CGNL1: variants seen among roughly 807,000 people sequenced by gnomAD.
The protein encoded by CGNL1 is cingulin-like protein 1.
A neutral mutation model predicts 141.2 loss-of-function variants in CGNL1; 132 were observed. The observed-to-expected ratio is 0.93, with a 90% CI of 0.81 to 1.08. The LOEUF (loss-of-function observed/expected upper bound fraction) is 1.08, where lower values mean the gene tolerates loss of function less well. Ranked by LOEUF, CGNL1 falls within the 50% of genes least tolerant of loss-of-function variation. The pLI is 0.00. For missense variants in CGNL1, 1,870 were observed against 1,588.6 expected, an observed-to-expected ratio of 1.18 and a Z score of -3.01; for synonymous variants, 690 against 622.1, an observed-to-expected ratio of 1.11 and a Z score of -1.63.
chr15:57,507,368 C>G (rs1197923232), intron 8 of CGNL1, among the ~76,000 whole-genome samples: 4 of 152,066 alleles, frequency 2.6e-5, no homozygotes, highest in South Asian at 2.1e-4. Flanking sequence ...TAACTTTTGT[C>G]TTGGACCTAT....
chr15:57,495,128 T>G (rs996427860), intron 8 of CGNL1, among the ~76,000 whole-genome samples: 1 of 152,222 alleles, frequency 6.6e-6, no homozygotes, highest in South Asian at 2.1e-4. Flanking sequence ...TGTGGGTCCT[T>G]AAACCATGAT....
chr15:57,546,847 C>A (rs1352062702), intron 18 of CGNL1, among the ~76,000 whole-genome samples: 2 of 152,078 alleles, frequency 1.3e-5, no homozygotes, highest in Admixed American at 6.6e-5. Context: ...TGACGTGGGG[C>A]TCTTTGCTGG....
chr15:57,516,028 G>A (rs1280356), intron 8 of CGNL1, among the ~76,000 whole-genome samples: 1,760 of 151,852 alleles, frequency 0.012, 15 homozygotes, highest in Non-Finnish European at 0.014. Context: ...GCGTGGTGGC[G>A]GGCGCCTGTA....
chr15:57,451,706 C>G lies in CGNL1; in HGVS notation c.1905+105C>G, dbSNP rs190472904. On this transcript the variant is annotated intron_variant, in intron 5 of 18. Coordinates refer to ENST00000281282, the MANE Select transcript of CGNL1 (RefSeq NM_032866.5). Reference sequence around the variant, plus strand: ...CAGAGTGAAAGCCAATTTTTTTTCCCCCAAAAGAAACATTCCTCTAATCAC... The same window carrying G: ...CAGAGTGAAAGCCAATTTTTTTTCCGCCAAAAGAAACATTCCTCTAATCAC... 2.6e-3 allele frequency: 1,969 copies of G among 755,574 alleles called. 15 individuals carry two copies. The highest frequency in any genetic ancestry group is 2.9e-3 in the South Asian group (149 of 51,992). 46.8% of individuals were successfully genotyped at this position (755,574 alleles called of 1,614,324 possible).
intron 1 of CGNL1, among the ~76,000 whole-genome samples, chr15:57,415,694 C>T (rs1352245047): frequency 6.6e-6 from 1 of 152,202 alleles, no homozygotes; most frequent in African/African-American, 2.4e-5. Context: ...TTCACATGTC[C>T]TCCATCACTC....
At chr15:57,453,874 G>A in intron 7 of CGNL1, 56 bp downstream of exon 7, 2 of 1,601,510 alleles carry the variant, frequency 1.2e-6, no homozygotes, top group South Asian at 1.1e-5. Context: ...CTGGAAAGAT[G>A]GAGTGGCTAG....
chr15:57,512,470 G>A (rs1037509925), intron 8 of CGNL1, among the ~76,000 whole-genome samples: 2 of 152,068 alleles, frequency 1.3e-5, no homozygotes, highest in African/African-American at 4.8e-5. Flanking sequence ...TAAGCATAAT[G>A]TGAAGACATA....
chr15:57,431,504 C>A (rs1222440658), intron 1 of CGNL1, among the ~76,000 whole-genome samples: 2 of 152,122 alleles, frequency 1.3e-5, no homozygotes, highest in African/African-American at 4.8e-5. Context: ...CTTTCCACAC[C>A]CTGATCTTTC....
rs75923537 is a variant in CGNL1 at position 57,464,504 on chromosome 15, C to T, written c.2403+2612C>T. On this transcript the variant is annotated intron_variant, in intron 8 of 18. Coordinates refer to ENST00000281282, the MANE Select transcript of CGNL1 (RefSeq NM_032866.5). Reference sequence around the variant, plus strand: ...ATAGTCACATCCGTGCGGTGTCTGGCAAGTGAAAGTTAGTTTAGGACAAAT... The same window carrying T: ...ATAGTCACATCCGTGCGGTGTCTGGTAAGTGAAAGTTAGTTTAGGACAAAT... Among the ~76,000 whole-genome samples the T allele has an allele frequency of 5.0e-3, 760 of 152,246 alleles. 30 individuals are homozygous for T. In the East Asian group the frequency reaches 0.092, roughly 19 times the overall value.
rs1175714723 is a variant in CGNL1, at chr15:57,528,698, G to A, written c.3084G>A (p.Gln1028=). The change falls in exon 13 of 19, where the codon CAG becomes CAA. Residue 1028 remains glutamine, a synonymous_variant. Coordinates refer to ENST00000281282, the MANE Select transcript of CGNL1 (RefSeq NM_032866.5). ...AGTTACGGGACTACCAGAGAGCTCA[G>A]GATGAAGCACTCACAAAAAGGCAGC... ...EEELRDYQRA[Q]DEALTKRQLL... The A allele has an allele frequency of 2.1e-5, 34 of 1,614,018 alleles. No individual in the cohort carries two copies. The highest frequency in any genetic ancestry group is 5.3e-5 in the African/African-American group (4 of 74,916).
intron 7 of CGNL1, among the ~76,000 whole-genome samples, chr15:57,457,743 G>T (rs1168064634): frequency 6.6e-6 from 1 of 152,160 alleles, no homozygotes; most frequent in African/African-American, 2.4e-5. Context: ...CACAAGAACA[G>T]TATGGGGGAA....
chr15:57,524,460 C>T (rs2031477974), intron 11 of CGNL1, 121 bp from the exon 12 acceptor site: 2 of 936,440 alleles, frequency 2.1e-6, no homozygotes, highest in Non-Finnish European at 3.2e-6. Context: ...GGTGCTGGGC[C>T]ATCTTTGAGG....
chr15:57,465,240 A>T (rs1236420109), intron 8 of CGNL1, among the ~76,000 whole-genome samples: 1 of 152,178 alleles, frequency 6.6e-6, no homozygotes, highest in Non-Finnish European at 1.5e-5. Flanking sequence ...GAACATTAAG[A>T]TTATTAAATA....
chr15:57,545,702 T>C lies in CGNL1; in HGVS notation c.3609+2T>C, dbSNP rs2140254958. 1 of 1,609,446 alleles carries C rather than the reference T, an allele frequency of 6.2e-7. No homozygotes were observed. Among genetic ancestry groups the C allele is most frequent in the Middle Eastern group, 1.7e-4 (1 of 6,050 alleles). On this transcript the variant is annotated splice_donor_variant, in intron 17 of 18. Transcript: ENST00000281282. LOFTEE classifies it high-confidence loss of function. The stretch of plus-strand genomic sequence containing the variant: ...TCATTGACTGATCAGAAGGACCAGG[T>C]GGGGAGCCTCTGCGTGCATTTGCTC...
intron 14 of CGNL1, among the ~76,000 whole-genome samples, chr15:57,542,069 G>A (rs2032596299): frequency 6.6e-6 from 1 of 152,176 alleles, no homozygotes; most frequent in South Asian, 2.1e-4. Context: ...GGGGAGCCAG[G>A]GAGCAAATGC....
rs776742721 is a variant in CGNL1, at chr15:57,438,175, A to G, written c.176A>G (p.Asn59Ser). Residue 59 changes from asparagine to serine, a missense_variant, in exon 2 of 19, where the codon AAC (asparagine) becomes AGC (serine). Transcript: ENST00000281282. ...IDGHPYIVLN[N>S]TERCLAGTSF... Reference sequence around the variant, plus strand: ...GGTCACCCCTATATTGTCCTGAATAACACAGAACGGTGCCTAGCAGGCACA... The same window carrying G: ...GGTCACCCCTATATTGTCCTGAATAGCACAGAACGGTGCCTAGCAGGCACA... 4 of 1,614,208 alleles carry G rather than the reference A, an allele frequency of 2.5e-6. No homozygotes were observed.
At position 57,437,644 on chromosome 15, in the gene CGNL1, AAAAAAG is replaced by A. The variant is rs1360222443; in HGVS notation, c.-15-340_-15-335del. Reference sequence around the variant, plus strand: ...CAAAAAAAAAAAAAAAAAAAAAAAAAAAAAAGGCAACCAGAACAGCCCAAAACAGAA... The same window carrying A: ...CAAAAAAAAAAAAAAAAAAAAAAAAAGCAACCAGAACAGCCCAAAACAGAA... On this transcript the variant is annotated intron_variant, in intron 1 of 18. Coordinates refer to ENST00000281282, the MANE Select transcript of CGNL1 (RefSeq NM_032866.5). Among the ~76,000 whole-genome samples the A allele has an allele frequency of 1.4e-3, 204 of 144,746 alleles. 4 individuals carry two copies. In the East Asian group the frequency reaches 0.032, roughly 23 times the overall value. The allele number at this position is 144,746 out of a possible 152,430, so 95.0% of individuals were successfully genotyped here.
At chr15:57,533,255 A>G (rs1402772037) in intron 14 of CGNL1, among the ~76,000 whole-genome samples, 2 of 152,182 alleles carry the variant, frequency 1.3e-5, no homozygotes, top group Non-Finnish European at 2.9e-5. Context: ...GAGCTGCAAC[A>G]GCTTATCAGG....
In CGNL1 at chr15:57,383,156, A is replaced by C. The variant is rs528943087; in HGVS notation, c.-16+6589A>C. ...TCAAAAACCTGGAATGTTCACTTAG[A>C]GTGGTGATTACTGTGAAAGCTTTAG... is the stretch of plus-strand genomic sequence containing the variant. On this transcript the variant is annotated intron_variant, in intron 1 of 18. Transcript: ENST00000281282. Among the ~76,000 whole-genome samples, 3 of 152,272 alleles carry C rather than the reference A, an allele frequency of 2.0e-5. No homozygotes were observed. The East Asian group carries it at 5.8e-4, about 29-fold the overall frequency.
Sources: allele counts gnomAD v4.1 joint callset (sites outside exome capture counted in the v4.1 genomes callset), GRCh38; gene constraint gnomAD v4.1.1; transcripts MANE v1.5; gene names NCBI Gene and HGNC (gene_info 2026-07-23, HGNC 2026-07-21).